The following MICALL1 variants were observed in gnomAD, a reference collection of about 807,000 sequenced individuals.
MICALL1 encodes MICAL like 1.
A neutral mutation model predicts 83.7 loss-of-function variants in MICALL1; 61 were observed. The observed-to-expected ratio is 0.73, with a 90% confidence interval of 0.59 to 0.90. The LOEUF (loss-of-function observed/expected upper bound fraction) is 0.90, where lower values mean the gene tolerates loss of function less well. Among genes scored for constraint, MICALL1 ranks in the 40% least tolerant of loss-of-function variants. MICALL1 has a pLI of 0.00. For missense variants in MICALL1, 1,066 were observed against 1,152.0 expected, an observed-to-expected ratio of 0.93 and a Z score of 1.08; for synonymous variants, 481 against 473.6, an observed-to-expected ratio of 1.02 and a Z score of -0.20.
chr22:37,939,370 T>C (rs1219790827), intron 15 of MICALL1, among the ~76,000 whole-genome samples: 2 of 152,230 alleles, frequency 1.3e-5, no homozygotes, highest in African/African-American at 2.4e-5. Context: ...TTTCCTTGTC[T>C]ATAAAATTAG....
rs748151151 is a variant in MICALL1 at position 37,919,101 on chromosome 22, C to T, written c.492C>T (p.Cys164=). The change falls in exon 5 of 16, where the codon TGC becomes TGT. Residue 164 remains cysteine, a synonymous_variant. Transcript: ENST00000215957. ...QGTGQTPSST[C]AACQQHVHLV... Reference sequence around the variant, plus strand: ...CCGGCCAGACCCCCAGCAGCACGTGCGCAGCCTGCCAGCAGCATGTGCACT... The same window carrying T: ...CCGGCCAGACCCCCAGCAGCACGTGTGCAGCCTGCCAGCAGCATGTGCACT... 2.4e-5 allele frequency: 38 copies of T among 1,551,698 alleles called. No homozygotes were observed. Among genetic ancestry groups the T allele is most frequent in the South Asian group, 4.8e-5 (4 of 84,166 alleles).
At chr22:37,937,241 G>T in intron 14 of MICALL1, 47 bp downstream of exon 14, 3 of 1,450,294 alleles carry the variant, frequency 2.1e-6, no homozygotes, top group South Asian at 1.2e-5. Flanking sequence ...GCCAGAGCAG[G>T]TCAGGCTCTG....
rs376205039 is a variant in MICALL1 at position 37,912,535 on chromosome 22, G to A, written c.337+43G>A. On this transcript the variant is annotated intron_variant, in intron 3 of 15. Coordinates refer to ENST00000215957, the MANE Select transcript of MICALL1 (RefSeq NM_033386.4). Reference sequence around the variant, plus strand: ...CGTTTCACGGAGGCTGGCCCAGGGGGTGGCCCTGGGGATGTCTGATGCTTG... The same window carrying A: ...CGTTTCACGGAGGCTGGCCCAGGGGATGGCCCTGGGGATGTCTGATGCTTG... 2.6e-6 allele frequency: 4 copies of A among 1,541,736 alleles called. No homozygotes were observed. In the African/African-American group the frequency reaches 5.4e-5, roughly 21 times the overall value.
chr22:37,916,970 T>A (rs907020457), intron 3 of MICALL1, among the ~76,000 whole-genome samples: 1 of 152,120 alleles, frequency 6.6e-6, no homozygotes, highest in African/African-American at 2.4e-5. Context: ...TTCGAGCGAT[T>A]CTCCTGCCTT....
rs758065699 is a variant in MICALL1, at chr22:37,924,671, G to A, written c.1036G>A (p.Glu346Lys). Residue 346 changes from glutamate (E) to lysine (K), a missense_variant, in exon 7 of 16, where the codon GAA becomes AAA. Transcript: ENST00000215957. This position sits in a 1 kb window ranked among gnomAD's most constrained non-coding sequence, Gnocchi z 5.2. ...CCTTTCCCATCTAGGGAGACTGCAC[G>A]AACTGCCTGTCCCCAAGCCGAGGGG... ...SSSLVNGRLH[E>K]LPVPKPRGTP... is the part of the protein sequence containing the mutation. 12 of 1,612,036 alleles carry A rather than the reference G, an allele frequency of 7.4e-6. No homozygotes were observed. The highest frequency in any genetic ancestry group is 1.7e-5 in the Admixed American group (1 of 59,812).
chr22:37,934,178 T>C (rs934921290), intron 13 of MICALL1, among the ~76,000 whole-genome samples: 2 of 152,204 alleles, frequency 1.3e-5, no homozygotes, highest in African/African-American at 4.8e-5. Flanking sequence ...GTGTGGTGGC[T>C]GTGCGTCCCG....
In MICALL1 at chr22:37,906,546, C is replaced by A. The variant is rs1415713467; in HGVS notation, c.124C>A (p.His42Asn). 8.4e-7 allele frequency: 1 copy of A among 1,195,300 alleles called. No individual in the cohort carries two copies. Among genetic ancestry groups the A allele is most frequent in the Non-Finnish European group, 1.0e-6 (1 of 957,424 alleles). 74.0% of individuals were successfully genotyped at this position (1,195,300 alleles called of 1,614,324 possible). Residue 42 changes from histidine to asparagine, a missense_variant, in exon 1 of 16, where the codon CAC (histidine) becomes AAC (asparagine). His to Asn is a moderately conservative substitution (Grantham distance 68, BLOSUM62 1). Transcript: ENST00000215957. The surrounding 1 kb of genome is among the most constrained non-coding windows in gnomAD (Gnocchi z 4.4). ...RDGLAFCAIL[H>N]RHRPDLLDFD... ...CGGCCTGGCCTTCTGCGCCATCCTG[C>A]ACCGGCACCGGCCCGACCTGCTGTG...
At position 37,927,468 on chromosome 22, in the gene MICALL1, C is replaced by T. The variant is rs201040802; in HGVS notation, c.1523C>T (p.Ala508Val). 7.8e-5 allele frequency: 126 copies of T among 1,607,780 alleles called. No individual in the cohort carries two copies. The East Asian group carries it at 2.4e-3, about 30-fold the overall frequency. ...CCGCCCTCGGCCACACCATCGCCAG[C>T]GCTCAGCGTGGAGAGCCTGTCGTCT... ...SEPPSATPSP[A>V]LSVESLSSES... Residue 508 changes from alanine (A) to valine (V), a missense_variant, in exon 9 of 16, where the codon GCG (alanine) becomes GTG (valine). Transcript: ENST00000215957.
Position 37,925,607 on chromosome 22 carries a change from G to T in MICALL1, c.1083-54G>T, listed in dbSNP as rs565411111. ...GAGTCAAAACTGTCTAGAGAGAGAAGGAAGCTGACCCTTGCCTCTGCTAAT... is the reference window on the plus strand; with the variant it reads ...GAGTCAAAACTGTCTAGAGAGAGAATGAAGCTGACCCTTGCCTCTGCTAAT... On this transcript the variant is annotated intron_variant, in intron 7 of 15. Coordinates refer to ENST00000215957, the MANE Select transcript of MICALL1 (RefSeq NM_033386.4). The T allele has an allele frequency of 3.4e-6, 5 of 1,453,072 alleles. No homozygotes were observed. The African/African-American group carries it at 7.0e-5, about 20-fold the overall frequency. 90.0% of individuals were successfully genotyped at this position (1,453,072 alleles called of 1,614,324 possible).
chr22:37,935,422 G>A (rs191278021), intron 13 of MICALL1, among the ~76,000 whole-genome samples: 69 of 148,712 alleles, frequency 4.6e-4, no homozygotes, highest in South Asian at 2.2e-4. Flanking sequence ...CACCACACCC[G>A]GCTAATTTTT....
intron 6 of MICALL1, among the ~76,000 whole-genome samples, chr22:37,923,930 G>A (rs1929256464): frequency 6.6e-6 from 1 of 152,110 alleles, no homozygotes. Flanking sequence ...GGAGACCCCT[G>A]GCCCATTCTG....
chr22:37,922,527 TG>T (rs1224166504), intron 6 of MICALL1, 101 bp downstream of exon 6: 1 of 793,970 alleles, frequency 1.3e-6, no homozygotes, highest in Non-Finnish European at 1.9e-6. Context: ...TCTCCATCTG[TG>T]CCATTGTGTG....
intron 4 of MICALL1, among the ~76,000 whole-genome samples, chr22:37,918,128 C>T (rs1175719450): frequency 6.6e-6 from 1 of 152,250 alleles, no homozygotes; most frequent in Non-Finnish European, 1.5e-5. Flanking sequence ...TCAGGAGTTA[C>T]ACACGTAGTA....
At position 37,925,971 on chromosome 22, in the gene MICALL1, G is replaced by A. The variant is rs374435258; in HGVS notation, c.1393G>A (p.Gly465Ser). The change falls in exon 8 of 16, where the codon GGC becomes AGC. Residue 465 changes from glycine to serine, a missense_variant. By Grantham distance (56) the Gly-to-Ser change is moderately conservative. Coordinates refer to ENST00000215957, the MANE Select transcript of MICALL1 (RefSeq NM_033386.4). The part of the protein sequence containing the change: ...STPKSLHPWY[G>S]ITPTSSPKTK... ...ACCCAAGTCCCTGCACCCCTGGTACGGCATCACCCCTACCAGCAGCCCCAA... is the reference window on the plus strand; with the variant it reads ...ACCCAAGTCCCTGCACCCCTGGTACAGCATCACCCCTACCAGCAGCCCCAA... 39 of 1,613,860 alleles carry A rather than the reference G, an allele frequency of 2.4e-5. No individual in the cohort carries two copies. The highest frequency in any genetic ancestry group is 3.3e-5 in the Admixed American group (2 of 60,006).
In MICALL1 at chr22:37,933,080, A is replaced by C; in HGVS notation, c.2276A>C (p.Glu759Ala). The C allele has an allele frequency of 6.2e-7, 1 of 1,613,928 alleles. No homozygotes were observed. The highest frequency in any genetic ancestry group is 8.5e-7 in the Non-Finnish European group (1 of 1,179,992). The change falls in exon 13 of 16, where the codon GAG (glutamate) becomes GCG (alanine). Residue 759 changes from glutamate (E) to alanine (A), a missense_variant. Coordinates refer to ENST00000215957, the MANE Select transcript of MICALL1 (RefSeq NM_033386.4). ...CTGGAGCAGCGCCAGGCTGATGTCGAGTATGAGCTCCGGTGCCTCCTCAAT... is the reference window on the plus strand; with the variant it reads ...CTGGAGCAGCGCCAGGCTGATGTCGCGTATGAGCTCCGGTGCCTCCTCAAT... ...QNLEQRQADV[E>A]YELRCLLNKP...
intron 15 of MICALL1, among the ~76,000 whole-genome samples, chr22:37,939,911 G>A (rs1331795996): frequency 1.3e-5 from 2 of 151,860 alleles, no homozygotes; most frequent in Non-Finnish European, 2.9e-5. Flanking sequence ...CCAACATGGT[G>A]TAACCCCGTC....
chr22:37,934,885 T>G (rs912483153), intron 13 of MICALL1, among the ~76,000 whole-genome samples: 1 of 144,762 alleles, frequency 6.9e-6, no homozygotes, highest in Non-Finnish European at 1.5e-5. Flanking sequence ...CATGAGCCAC[T>G]GCGCCTGGCT....
intron 1 of MICALL1, among the ~76,000 whole-genome samples, chr22:37,910,966 G>T (rs756207408): frequency 1.3e-5 from 2 of 152,230 alleles, no homozygotes; most frequent in Non-Finnish European, 2.9e-5. Flanking sequence ...CCCATCTCCG[G>T]CAGTCAGGGC....
chr22:37,906,596 C>T lies in MICALL1; in HGVS notation c.146+28C>T. On this transcript the variant is annotated intron_variant, in intron 1 of 15. Coordinates refer to ENST00000215957, the MANE Select transcript of MICALL1 (RefSeq NM_033386.4). The surrounding 1 kb of genome is among the most constrained non-coding windows in gnomAD (Gnocchi z 4.4). The stretch of plus-strand genomic sequence containing the variant: ...GAGTGCGGGGCCCCGGGCGAGCGGG[C>T]GGCGCGGGGCGGGCTGGGGCCGCGA... 1 of 1,126,206 alleles carries T rather than the reference C, an allele frequency of 8.9e-7. No homozygotes were observed. 69.8% of individuals were successfully genotyped at this position (1,126,206 alleles called of 1,614,324 possible). A position where few individuals can be genotyped will look rare whatever the true frequency, so the allele number is the denominator to read the frequency against.
Sources: gnomAD v4.1 joint callset for allele counts (sites outside exome capture counted in the v4.1 genomes callset) on GRCh38, gnomAD v4.1.1 for gene constraint, Gnocchi (gnomAD v3.1) non-coding constraint, MANE v1.5 for transcripts, NCBI Gene and HGNC (gene_info 2026-07-23, HGNC 2026-07-21) for gene names.